The following FER variants were observed in gnomAD, a reference collection of about 807,000 sequenced individuals.
FER encodes tyrosine-protein kinase Fer.
Under a neutral mutation model 111.0 loss-of-function variants are expected in FER, and 63 were observed. That is an observed-to-expected ratio of 0.57 (90% CI 0.46 to 0.70). The LOEUF is 0.70. Among genes scored for constraint, FER ranks in the 30% least tolerant of loss-of-function variants. FER has a pLI of 0.00. For synonymous variants in FER, 327 were observed against 313.9 expected (o/e 1.04, Z -0.44); for missense variants, 914 against 954.0 (o/e 0.96, Z 0.55).
At chr5:108,845,413 C>T (rs1185643438) in intron 5 of FER, among the ~76,000 whole-genome samples, 1 of 151,812 alleles carries the variant, frequency 6.6e-6, no homozygotes, top group Non-Finnish European at 1.5e-5. Flanking sequence ...GAACTCCTGA[C>T]CTCAAGTGAT....
At chr5:108,861,590 C>T (rs115818988) in intron 5 of FER, among the ~76,000 whole-genome samples, 3,259 of 152,114 alleles carry the variant, frequency 0.021, 113 homozygotes, top group African/African-American at 0.075. Context: ...AAAAAAAGCA[C>T]ACAAAACAAA....
intron 13 of FER, among the ~76,000 whole-genome samples, chr5:109,028,450 T>C (rs1055968276): frequency 6.6e-6 from 1 of 152,234 alleles, no homozygotes; most frequent in African/African-American, 2.4e-5. Context: ...TCTCTGAACT[T>C]GAAAGAGTCA....
chr5:109,186,432 A>G, intron 19 of FER, 110 bp downstream of exon 19: 2 of 1,507,984 alleles, frequency 1.3e-6, no homozygotes, highest in Non-Finnish European at 1.8e-6. Flanking sequence ...TGGTTGTGTT[A>G]TGAGACCATC....
chr5:108,999,551 G>A (rs1275058919), intron 13 of FER, among the ~76,000 whole-genome samples: 1 of 151,858 alleles, frequency 6.6e-6, no homozygotes, highest in Non-Finnish European at 1.5e-5. Context: ...CTTTTATTTT[G>A]TATACCTAGA....
chr5:109,079,942 G>T (rs553880410), intron 16 of FER, among the ~76,000 whole-genome samples: 1 of 152,022 alleles, frequency 6.6e-6, no homozygotes, highest in Non-Finnish European at 1.5e-5. Flanking sequence ...AGTAGTTTTT[G>T]TTTGCCAGCC....
chr5:109,122,685 T>A (rs1036178981), intron 17 of FER, among the ~76,000 whole-genome samples: 1 of 152,188 alleles, frequency 6.6e-6, no homozygotes, highest in Admixed American at 6.5e-5. Flanking sequence ...GCTCTGGCTG[T>A]TGTTGTATTG....
At chr5:109,130,574 T>G (rs1752251925) in intron 17 of FER, among the ~76,000 whole-genome samples, 1 of 152,060 alleles carries the variant, frequency 6.6e-6, no homozygotes, top group East Asian at 1.9e-4. Flanking sequence ...TACAGATACA[T>G]GAAAAATTTA....
At chr5:108,949,977 T>C (rs1378575673) in intron 11 of FER, among the ~76,000 whole-genome samples, 1 of 151,810 alleles carries the variant, frequency 6.6e-6, no homozygotes, top group African/African-American at 2.4e-5. Context: ...AAGCATGTTA[T>C]TACCAATAAA....
chr5:109,076,587 G>A (rs1380036183), intron 16 of FER, among the ~76,000 whole-genome samples: 1 of 152,002 alleles, frequency 6.6e-6, no homozygotes, highest in Admixed American at 6.6e-5. Context: ...ACAGGGGCAT[G>A]CCACCACACC....
chr5:108,995,718 A>G (rs1763901382), intron 13 of FER, among the ~76,000 whole-genome samples: 1 of 152,186 alleles, frequency 6.6e-6, no homozygotes, highest in South Asian at 2.1e-4. Context: ...CAGTGCTGCA[A>G]TAAAACATAC....
chr5:108,813,019 C>CT (rs778758281), intron 3 of FER, among the ~76,000 whole-genome samples: 1 of 151,970 alleles, frequency 6.6e-6, no homozygotes, highest in Non-Finnish European at 1.5e-5. Flanking sequence ...TGGTAGTCTT[C>CT]TTTATGTAGA....
intron 2 of FER, among the ~76,000 whole-genome samples, chr5:108,794,526 AC>A (rs138716410): frequency 0.25 from 27,084 of 106,630 alleles, 2,365 homozygotes; most frequent in African/African-American, 0.31. Flanking sequence ...CCCCCTCCGC[AC>A]CCCCCCCCCT....
At chr5:108,878,794 T>G (rs189270644) in intron 8 of FER, among the ~76,000 whole-genome samples, 2 of 152,348 alleles carry the variant, frequency 1.3e-5, no homozygotes, top group African/African-American at 4.8e-5. Context: ...TTTTGTTTAT[T>G]GTGATTATAC....
intron 16 of FER, among the ~76,000 whole-genome samples, chr5:109,049,392 G>A (rs1332463005): frequency 6.6e-6 from 1 of 152,118 alleles, no homozygotes; most frequent in African/African-American, 2.4e-5. Flanking sequence ...TATGTCTAAA[G>A]TTCCTGTTTC....
At chr5:108,816,920 G>T (rs1025036742) in intron 3 of FER, among the ~76,000 whole-genome samples, 1 of 151,488 alleles carries the variant, frequency 6.6e-6, no homozygotes, top group African/African-American at 2.4e-5. Flanking sequence ...TGGGCAACGT[G>T]GCAAAATCCC....
intron 13 of FER, among the ~76,000 whole-genome samples, chr5:109,003,528 T>G (rs542052746): frequency 6.6e-6 from 1 of 151,960 alleles, no homozygotes; most frequent in African/African-American, 2.4e-5. Context: ...ATGACGAGTT[T>G]ATGAGTGCAG....
chr5:108,961,120 T>G (rs1489505106), intron 13 of FER, among the ~76,000 whole-genome samples: 1 of 152,172 alleles, frequency 6.6e-6, no homozygotes, highest in Non-Finnish European at 1.5e-5. Context: ...TAATTATTCA[T>G]GTGGAAGTAT....
At chr5:109,024,796 A>G (rs1363743209) in intron 13 of FER, among the ~76,000 whole-genome samples, 3 of 152,056 alleles carry the variant, frequency 2.0e-5, no homozygotes, top group African/African-American at 7.2e-5. Flanking sequence ...TGATTTTTGT[A>G]TAAGGTGTAA....
intron 11 of FER, among the ~76,000 whole-genome samples, chr5:108,951,603 TA>T (rs1252797380): frequency 1.3e-5 from 2 of 152,210 alleles, no homozygotes; most frequent in Non-Finnish European, 2.9e-5. Flanking sequence ...AAAAGATAAT[TA>T]AATGTCATTT....
Sources: allele counts gnomAD v4.1 joint callset (sites outside exome capture counted in the v4.1 genomes callset), GRCh38; gene constraint gnomAD v4.1.1; transcripts MANE v1.5; gene names NCBI Gene and HGNC (gene_info 2026-07-23, HGNC 2026-07-21).